Variants in PAPOLG observed in about 807,000 individuals in gnomAD.
PAPOLG encodes the protein poly(A) polymerase gamma.
PAPOLG carries 40 observed loss-of-function variants against 99.0 expected under a neutral mutation model. The observed-to-expected ratio is 0.40, with a 90% CI of 0.31 to 0.53. PAPOLG has a LOEUF of 0.53. PAPOLG is among the 20% of genes least tolerant of loss of function. The pLI is 0.41. For synonymous variants in PAPOLG, 310 were observed against 299.3 expected (o/e 1.04, Z -0.37); for missense variants, 675 against 884.1 (o/e 0.76, Z 3.00).
rs192352921 is a variant in PAPOLG at position 60,772,339 on chromosome 2, C to G, written c.604+709C>G. On this transcript the variant is annotated intron_variant, in intron 7 of 21. Coordinates refer to ENST00000238714, the MANE Select transcript of PAPOLG (RefSeq NM_022894.4). ...GCACTCGCCTGTAGTTCCAGCTACTCAGGAGGCTGAGGTGAGAGGATCACC... is the reference window on the plus strand; with the variant it reads ...GCACTCGCCTGTAGTTCCAGCTACTGAGGAGGCTGAGGTGAGAGGATCACC... Among the ~76,000 whole-genome samples, 239 of 151,378 alleles carry G rather than the reference C, an allele frequency of 1.6e-3. 1 individual carries two copies. Among genetic ancestry groups the G allele is most frequent in the Admixed American group, 3.3e-3 (50 of 15,164 alleles).
chr2:60,794,273 G>T, intron 19 of PAPOLG, 82 bp downstream of exon 19: 1 of 1,365,120 alleles, frequency 7.3e-7, no homozygotes, highest in Non-Finnish European at 9.9e-7. Context: ...CATAGCTGTT[G>T]GTGTTCTGTT....
At position 60,781,883 on chromosome 2, in the gene PAPOLG, A is replaced by G; in HGVS notation, c.907-2A>G. 2 of 1,613,880 alleles carry G rather than the reference A, an allele frequency of 1.2e-6. No individual in the cohort carries two copies. Among genetic ancestry groups the G allele is most frequent in the Non-Finnish European group, 1.7e-6 (2 of 1,179,836 alleles). ...TCAGTTATTCTGCTTCTAATTTCAC[A>G]GGTAAATCCATCAGATAGGTATCAT... is the stretch of plus-strand genomic sequence containing the variant. On this transcript the variant is annotated splice_acceptor_variant, in intron 10 of 21. Coordinates refer to ENST00000238714, the MANE Select transcript of PAPOLG (RefSeq NM_022894.4). LOFTEE classifies it high-confidence loss of function.
intron 3 of PAPOLG, 165 bp from the exon 4 acceptor site, chr2:60,768,305 T>C (rs756717796): frequency 5.0e-6 from 1 of 199,390 alleles, no homozygotes; most frequent in Non-Finnish European, 9.0e-6. Context: ...TTTTGCCATG[T>C]TGGCCAGGCT....
chr2:60,790,304 T>G (rs1312237942), intron 15 of PAPOLG, among the ~76,000 whole-genome samples: 15 of 152,200 alleles, frequency 9.9e-5, no homozygotes, highest in Admixed American at 9.8e-4. Flanking sequence ...ACATAGTTTA[T>G]TATAAATTTA....
chr2:60,763,438 G>C (rs1670581096), intron 3 of PAPOLG, among the ~76,000 whole-genome samples: 1 of 152,092 alleles, frequency 6.6e-6, no homozygotes, highest in Non-Finnish European at 1.5e-5. Flanking sequence ...ATCTGTGTGT[G>C]ATTGGTTGAA....
At chr2:60,760,641 A>G (rs935714879) in intron 2 of PAPOLG, among the ~76,000 whole-genome samples, 18 of 152,318 alleles carry the variant, frequency 1.2e-4, no homozygotes, top group African/African-American at 4.3e-4. Context: ...AAAGTGTTCT[A>G]GGCAGAACTC....
intron 3 of PAPOLG, among the ~76,000 whole-genome samples, chr2:60,762,350 C>G (rs772781165): frequency 1.2e-4 from 18 of 152,074 alleles, no homozygotes; most frequent in Non-Finnish European, 2.6e-4. Flanking sequence ...TGTAGCTTAA[C>G]TATTTTTTTC....
At chr2:60,786,878 G>A in intron 13 of PAPOLG, 69 bp from the exon 14 acceptor site, 2 of 1,539,226 alleles carry the variant, frequency 1.3e-6, no homozygotes, top group Admixed American at 2.0e-5. Flanking sequence ...TATGCTGTTT[G>A]GTTTACTTGA....
chr2:60,794,311 C>T, intron 19 of PAPOLG, 120 bp downstream of exon 19: 1 of 1,038,694 alleles, frequency 9.6e-7, no homozygotes, highest in Non-Finnish European at 1.4e-6. Context: ...AATATTTACC[C>T]AAATCTTAAA....
At chr2:60,756,619 T>A in intron 1 of PAPOLG, 124 bp downstream of exon 1, 7 of 1,087,588 alleles carry the variant, frequency 6.4e-6, no homozygotes, top group Non-Finnish European at 9.0e-6. Context: ...GATGGTCTCC[T>A]TCCCGGCTCC....
In PAPOLG at chr2:60,794,739, C is replaced by A. The variant is rs1203856100; in HGVS notation, c.2019C>A (p.Asp673Glu). Residue 673 changes from aspartate (D) to glutamate (E), a missense_variant, in exon 20 of 22, where the codon GAC becomes GAA. Around this residue, in one of 3 missense-constraint regions of PAPOLG, gnomAD observed 413 missense variants for 460.5 expected, o/e 0.90. Coordinates refer to ENST00000238714, the MANE Select transcript of PAPOLG (RefSeq NM_022894.4). ...TTCGACTTGAATCAACATTTAAGGA[C>A]CCCCGCACTGCTGAAGAAAGAAAAA... ...KFIRLESTFK[D>E]PRTAEERKRK... The A allele has an allele frequency of 1.9e-6, 3 of 1,610,816 alleles. No homozygotes were observed. Among genetic ancestry groups the A allele is most frequent in the South Asian group, 2.2e-5 (2 of 90,990 alleles).
intron 12 of PAPOLG, 33 bp from the exon 13 acceptor site, chr2:60,783,123 T>G (rs1558703815): frequency 6.5e-7 from 1 of 1,527,210 alleles, no homozygotes. Context: ...TTTTTCTGGC[T>G]TTTTTTCCTG....
chr2:60,794,443 G>C (rs114574145), intron 19 of PAPOLG: 142 of 573,268 alleles, frequency 2.5e-4, no homozygotes, highest in Middle Eastern at 4.6e-4. Context: ...CTCATTTCTT[G>C]TGTGTTGATA....
Position 60,791,633 on chromosome 2 carries a change from G to T in PAPOLG, c.1397-128G>T, listed in dbSNP as rs1011554332. The T allele has an allele frequency of 2.7e-5, 28 of 1,047,978 alleles. No homozygotes were observed. The Admixed American group carries it at 4.9e-4, about 18-fold the overall frequency. 64.9% of individuals were successfully genotyped at this position (1,047,978 alleles called of 1,614,324 possible). A position where few individuals can be genotyped will look rare whatever the true frequency, so the allele number is the denominator to read the frequency against. On this transcript the variant is annotated intron_variant, in intron 15 of 21. Coordinates refer to ENST00000238714, the MANE Select transcript of PAPOLG (RefSeq NM_022894.4). ...TTAAAAATATTTGTTTTGTGAGAGG[G>T]TTGTGGGTGGGTGGGTGGCCGGTGG...
chr2:60,780,589 A>G (rs1671158180), intron 9 of PAPOLG, 118 bp from the exon 10 acceptor site: 3 of 1,092,422 alleles, frequency 2.7e-6, no homozygotes, highest in Non-Finnish European at 4.0e-6. Context: ...TTTTCCTTTA[A>G]TACCAAATAC....
chr2:60,783,048 A>T, intron 12 of PAPOLG, 108 bp from the exon 13 acceptor site: 1 of 1,019,118 alleles, frequency 9.8e-7, no homozygotes, highest in Non-Finnish European at 1.4e-6. Context: ...GTGTGCCTTT[A>T]TTAGCTCATT....
At chr2:60,765,885 G>A (rs1458566784) in intron 3 of PAPOLG, among the ~76,000 whole-genome samples, 2 of 152,152 alleles carry the variant, frequency 1.3e-5, no homozygotes, top group African/African-American at 4.8e-5. Flanking sequence ...GGAGGCTGAA[G>A]CAGGAAGATC....
At chr2:60,788,951 G>T (rs912662220) in intron 15 of PAPOLG, among the ~76,000 whole-genome samples, 1 of 152,120 alleles carries the variant, frequency 6.6e-6, no homozygotes, top group Non-Finnish European at 1.5e-5. Context: ...CCGAGATTGC[G>T]CCATTGCTCT....
At chr2:60,782,248 T>C (rs992150177) in intron 11 of PAPOLG, among the ~76,000 whole-genome samples, 1 of 152,160 alleles carries the variant, frequency 6.6e-6, no homozygotes, top group African/African-American at 2.4e-5. Context: ...GAAACAACAT[T>C]ATATATATTT....
Sources: gnomAD v4.1 joint callset for allele counts (sites outside exome capture counted in the v4.1 genomes callset) on GRCh38, gnomAD v4.1.1 for gene constraint, gnomAD v4.1.1 regional missense constraint, MANE v1.5 for transcripts, NCBI Gene and HGNC (gene_info 2026-07-23, HGNC 2026-07-21) for gene names.